The following MYO3A variants were observed in gnomAD, a reference collection of about 807,000 sequenced individuals.
MYO3A encodes myosin IIIA, also known as myosin-IIIa.
In MYO3A, 180 loss-of-function variants were observed where a neutral mutation model predicts 192.7. That is an observed-to-expected ratio of 0.93 (90% CI 0.83 to 1.06). The LOEUF is 1.06. MYO3A is among the 50% of genes least tolerant of loss of function. The probability of loss-of-function intolerance (pLI) is 0.00; values close to 1 mark genes in which losing one functional copy is unlikely to be tolerated. For synonymous variants in MYO3A, 628 were observed against 645.3 expected, an observed-to-expected ratio of 0.97 and a Z score of 0.41; for missense variants, 1,896 against 1,905.0, an observed-to-expected ratio of 1.00 and a Z score of 0.09.
intron 4 of MYO3A, among the ~76,000 whole-genome samples, chr10:25,981,200 T>G (rs971584018): frequency 6.6e-6 from 1 of 152,202 alleles, no homozygotes; most frequent in Non-Finnish European, 1.5e-5. Context: ...CAGGGTTGTA[T>G]CTCCTGTTTC....
In MYO3A at chr10:26,096,824, A is replaced by G. The variant is rs564566772; in HGVS notation, c.1776+142A>G. The G allele has an allele frequency of 7.3e-5, 47 of 639,682 alleles. No individual in the cohort carries two copies. The African/African-American group carries it at 7.9e-4, about 11-fold the overall frequency. The allele number at this position is 639,682 out of a possible 1,614,324, so 39.6% of individuals were successfully genotyped here. On this transcript the variant is annotated intron_variant, in intron 17 of 34. Transcript: ENST00000642920. ...ACAGCATTATGAAATAACTGGAAAT[A>G]TAATATTTACTTTATAAGTGAAGAA...
intron 20 of MYO3A, among the ~76,000 whole-genome samples, chr10:26,135,966 CAAA>C (rs55885370): frequency 3.0e-5 from 3 of 100,222 alleles, no homozygotes. Flanking sequence ...AACTCCATCT[CAAA>C]AAAAAAAAAA....
chr10:26,067,014 A>T lies in MYO3A; in HGVS notation c.993A>T (p.Arg331=). 6.2e-7 allele frequency: 1 copy of T among 1,613,062 alleles called. No homozygotes were observed. The highest frequency in any genetic ancestry group is 8.5e-7 in the Non-Finnish European group (1 of 1,179,100). The change falls in exon 11 of 35, where the codon CGA becomes CGT. Residue 331 remains arginine (R), a synonymous_variant. Transcript: ENST00000642920. ...ACACGAAGAAAGGGAACTTCAACCG[A>T]CCTCTAATATCCAATCTGAAGGATG... is the stretch of plus-strand genomic sequence containing the variant. ...RIHTKKGNFN[R]PLISNLKDVD... is the part of the protein sequence containing the mutation.
At chr10:26,197,022 T>A (rs1436973486) in intron 32 of MYO3A, among the ~76,000 whole-genome samples, 1 of 152,226 alleles carries the variant, frequency 6.6e-6, no homozygotes, top group Non-Finnish European at 1.5e-5. Flanking sequence ...TCAAAATGTT[T>A]GTTCTTGATT....
At chr10:26,028,054 C>T (rs1457716271) in intron 10 of MYO3A, among the ~76,000 whole-genome samples, 3 of 152,168 alleles carry the variant, frequency 2.0e-5, no homozygotes, top group African/African-American at 7.2e-5. Flanking sequence ...TAAGACATTA[C>T]TTATTTGAAT....
chr10:25,963,841 C>A (rs1043610353), intron 4 of MYO3A, among the ~76,000 whole-genome samples: 63 of 151,528 alleles, frequency 4.2e-4, no homozygotes, highest in Admixed American at 1.8e-3. Context: ...ACTCTTCTAA[C>A]TTAGGAAATT....
rs191585862 is a variant in MYO3A at position 26,137,290 on chromosome 10, C to T, written c.2263-6158C>T. Among the ~76,000 whole-genome samples the T allele has an allele frequency of 4.5e-3, 681 of 152,220 alleles. 6 individuals carry two copies. The highest frequency in any genetic ancestry group is 0.012 in the Admixed American group (176 of 15,284). Reference sequence around the variant, plus strand: ...AAAGATTTGAAATAGTTCACTGTTGCGGGAAGTCAGGGACCCTGAATGGAG... The same window carrying T: ...AAAGATTTGAAATAGTTCACTGTTGTGGGAAGTCAGGGACCCTGAATGGAG... On this transcript the variant is annotated intron_variant, in intron 20 of 34. Coordinates refer to ENST00000642920, the MANE Select transcript of MYO3A (RefSeq NM_017433.5).
At chr10:26,106,734 A>T (rs1837827301) in intron 17 of MYO3A, among the ~76,000 whole-genome samples, 1 of 152,130 alleles carries the variant, frequency 6.6e-6, no homozygotes, top group African/African-American at 2.4e-5. Context: ...TGATATAATC[A>T]TATTTTTTCC....
chr10:26,079,896 T>A (rs1835814680), intron 14 of MYO3A, among the ~76,000 whole-genome samples: 1 of 152,234 alleles, frequency 6.6e-6, no homozygotes, highest in African/African-American at 2.4e-5. Flanking sequence ...CTGCTGTTAA[T>A]CTGTATGCTT....
chr10:26,004,581 A>G (rs1267971707), intron 6 of MYO3A, among the ~76,000 whole-genome samples: 1 of 152,102 alleles, frequency 6.6e-6, no homozygotes, highest in Admixed American at 6.6e-5. Context: ...TGTAATTCTC[A>G]ACTAAAAGGA....
intron 31 of MYO3A, among the ~76,000 whole-genome samples, chr10:26,181,956 GC>G (rs1245242178): frequency 3.9e-5 from 6 of 152,260 alleles, no homozygotes; most frequent in African/African-American, 1.4e-4. Flanking sequence ...AATATTAACA[GC>G]CCTTTAAATT....
intron 19 of MYO3A, among the ~76,000 whole-genome samples, chr10:26,126,938 C>T (rs1839253632): frequency 6.6e-6 from 1 of 152,120 alleles, no homozygotes; most frequent in Non-Finnish European, 1.5e-5. Context: ...TTTAGTTCAA[C>T]TTTGTTAAGT....
chr10:26,029,866 G>A (rs17813720), intron 10 of MYO3A, among the ~76,000 whole-genome samples: 45,648 of 151,894 alleles, frequency 0.3, 7,288 homozygotes, highest in Middle Eastern at 0.43. Flanking sequence ...ATCTTGAGTG[G>A]GAGGTTTTTT....
intron 6 of MYO3A, among the ~76,000 whole-genome samples, chr10:26,013,384 A>T (rs1841795219): frequency 6.6e-6 from 1 of 152,160 alleles, no homozygotes; most frequent in Admixed American, 6.5e-5. Flanking sequence ...CATCCAACAA[A>T]GGATTAATAT....
chr10:26,088,664 C>T (rs1017332408), intron 15 of MYO3A, among the ~76,000 whole-genome samples: 1 of 152,050 alleles, frequency 6.6e-6, no homozygotes, highest in Non-Finnish European at 1.5e-5. Flanking sequence ...GTACTAACAG[C>T]GTAAATTAGA....
chr10:26,206,353 G>A lies in MYO3A; in HGVS notation c.4730+3246G>A, dbSNP rs984816624. Among the ~76,000 whole-genome samples, 14 of 147,652 alleles carry A rather than the reference G, an allele frequency of 9.5e-5. 1 individual carries two copies. The East Asian group carries it at 2.1e-3, about 22-fold the overall frequency. ...TAAGATTACAGGCGTGAGCCACAGCGCCCAGCCCAGGTATCTTTTTTACAT... is the reference window on the plus strand; with the variant it reads ...TAAGATTACAGGCGTGAGCCACAGCACCCAGCCCAGGTATCTTTTTTACAT... On this transcript the variant is annotated intron_variant, in intron 34 of 34. Coordinates refer to ENST00000642920, the MANE Select transcript of MYO3A (RefSeq NM_017433.5).
chr10:26,144,317 T>G (rs923935957), intron 21 of MYO3A, among the ~76,000 whole-genome samples: 2 of 152,136 alleles, frequency 1.3e-5, no homozygotes, highest in Non-Finnish European at 2.9e-5. Context: ...TGAGAAATAC[T>G]TTCAGAAAAT....
chr10:26,071,573 T>TA (rs1375640396), intron 14 of MYO3A, among the ~76,000 whole-genome samples: 8 of 152,096 alleles, frequency 5.3e-5, no homozygotes, highest in Admixed American at 1.3e-4. Context: ...AGGACACTGT[T>TA]ACAAAAATGA....
chr10:26,030,802 A>G (rs763167799), intron 10 of MYO3A, among the ~76,000 whole-genome samples: 43 of 152,234 alleles, frequency 2.8e-4, no homozygotes, highest in Non-Finnish European at 3.5e-4. Context: ...TACAAACTGA[A>G]TATAAACTTC....
Sources: allele counts gnomAD v4.1 joint callset (sites outside exome capture counted in the v4.1 genomes callset), GRCh38; gene constraint gnomAD v4.1.1; transcripts MANE v1.5; gene names NCBI Gene and HGNC (gene_info 2026-07-23, HGNC 2026-07-21).